NCOA2: variants seen among roughly 807,000 people sequenced by gnomAD.
NCOA2 encodes nuclear receptor coactivator 2, also known as class E basic helix-loop-helix protein 75.
Under a neutral mutation model 145.1 loss-of-function variants are expected in NCOA2, and 21 were observed. The ratio of observed to expected loss-of-function variants is 0.14; its 90% CI spans 0.10 to 0.21. The LOEUF is 0.21. Ranked by LOEUF, NCOA2 falls within the 10% of genes least tolerant of loss-of-function variation. The probability of loss-of-function intolerance (pLI) is 1.00; values close to 1 mark genes in which losing one functional copy is unlikely to be tolerated. For synonymous variants in NCOA2, 619 were observed against 637.5 expected, an observed-to-expected ratio of 0.97 and a Z score of 0.44; for missense variants, 1,472 against 1,837.6, an observed-to-expected ratio of 0.80 and a Z score of 3.64.
At chr8:70,359,185 G>T (rs532106732) in intron 1 of NCOA2, among the ~76,000 whole-genome samples, 2 of 152,212 alleles carry the variant, frequency 1.3e-5, no homozygotes, top group Admixed American at 1.3e-4. Context: ...TCCTCAAGAA[G>T]TTAAACACAG....
chr8:70,409,819 A>G, the NCOA2 span, among the ~76,000 whole-genome samples: 40 of 152,258 alleles, frequency 2.6e-4, no homozygotes, highest in Admixed American at 1.6e-3. Flanking sequence ...GCAGTGAGCC[A>G]TGATCATGCC....
At chr8:70,433,550 T>C in the NCOA2 span, among the ~76,000 whole-genome samples, 6 of 152,222 alleles carry the variant, frequency 3.9e-5, no homozygotes, top group African/African-American at 1.4e-4. Flanking sequence ...GGTGATGGAA[T>C]GGTATGCCCA....
intron 12 of NCOA2, among the ~76,000 whole-genome samples, chr8:70,147,396 T>C (rs1811221302): frequency 6.6e-6 from 1 of 152,218 alleles, no homozygotes; most frequent in Non-Finnish European, 1.5e-5. Context: ...TGACTGATGG[T>C]TGCCATTTTT....
intron 1 of NCOA2, among the ~76,000 whole-genome samples, chr8:70,399,561 A>T (rs1814026412): frequency 6.6e-6 from 1 of 152,230 alleles, no homozygotes; most frequent in Non-Finnish European, 1.5e-5. Flanking sequence ...TCTTAATCTA[A>T]AATCAATAAA....
the NCOA2 span, among the ~76,000 whole-genome samples, chr8:70,440,844 G>C: frequency 1.3e-5 from 2 of 150,912 alleles, no homozygotes; most frequent in African/African-American, 2.4e-5. Flanking sequence ...AGAGGAAAGA[G>C]AGAAAGAAAG....
chr8:70,304,513 C>CTG (rs1827736159), intron 1 of NCOA2, among the ~76,000 whole-genome samples: 1 of 151,558 alleles, frequency 6.6e-6, no homozygotes, highest in African/African-American at 2.4e-5. Context: ...GTCGCCCAGG[C>CTG]TGGAGTGCAG....
Position 70,112,148 on chromosome 8 carries a change from T to C in NCOA2, c.*1484A>G, listed in dbSNP as rs115532784. ...GTTCCTACAGCGGCTGCATATCATA[T>C]AGATTAGATAAATGACTTATAAGCA... On this transcript the variant is annotated 3_prime_UTR_variant, in exon 23 of 23. Coordinates refer to ENST00000452400, the MANE Select transcript of NCOA2 (RefSeq NM_006540.4). The C allele has an allele frequency of 9.5e-3, 1,944 of 204,250 alleles. 54 individuals are homozygous for C. The highest frequency in any genetic ancestry group is 0.041 in the African/African-American group (1,817 of 43,796). The allele number at this position is 204,250 out of a possible 1,614,324, so 12.7% of individuals were successfully genotyped here.
At chr8:70,382,431 A>G (rs746847625) in intron 1 of NCOA2, among the ~76,000 whole-genome samples, 12 of 152,300 alleles carry the variant, frequency 7.9e-5, no homozygotes, top group Admixed American at 2.0e-4. Context: ...CACAAGGAAG[A>G]AAGAGAACAA....
At position 70,318,736 on chromosome 8, in the gene NCOA2, C is replaced by T. The variant is rs139198854; in HGVS notation, c.-76-21936G>A. On this transcript the variant is annotated intron_variant, in intron 1 of 22. Transcript: ENST00000452400. Reference sequence around the variant, plus strand: ...GCTGTAATCACCACTGCCCTCCAGACTGGGTGACAGAGGGAGACCCTGTCT... The same window carrying T: ...GCTGTAATCACCACTGCCCTCCAGATTGGGTGACAGAGGGAGACCCTGTCT... Among the ~76,000 whole-genome samples the T allele has an allele frequency of 6.0e-4, 92 of 152,176 alleles. 1 individual carries two copies. The highest frequency in any genetic ancestry group is 5.0e-3 in the East Asian group (26 of 5,184).
chr8:70,137,011 G>T (rs1809808896), intron 15 of NCOA2, among the ~76,000 whole-genome samples: 2 of 152,244 alleles, frequency 1.3e-5, no homozygotes, highest in Admixed American at 6.5e-5. Flanking sequence ...CTAGGGCAGT[G>T]CTGAGTCACA....
At chr8:70,270,402 G>C (rs932458813) in intron 2 of NCOA2, among the ~76,000 whole-genome samples, 1 of 152,074 alleles carries the variant, frequency 6.6e-6, no homozygotes, top group Non-Finnish European at 1.5e-5. Flanking sequence ...GTCTCTTCCA[G>C]CTCTAAAGTA....
At chr8:70,403,430 C>A (rs1028900739) in intron 1 of NCOA2, among the ~76,000 whole-genome samples, 9 of 151,662 alleles carry the variant, frequency 5.9e-5, no homozygotes, top group African/African-American at 2.2e-4. Flanking sequence ...TCCTTTCTCT[C>A]CCGGGGACTC....
chr8:70,392,151 T>C (rs1362285111), intron 1 of NCOA2, among the ~76,000 whole-genome samples: 3 of 152,214 alleles, frequency 2.0e-5, no homozygotes, highest in Non-Finnish European at 4.4e-5. Flanking sequence ...TAGTCCTCCC[T>C]AAACCCCAAT....
chr8:70,298,242 A>C (rs1029602795), intron 1 of NCOA2, among the ~76,000 whole-genome samples: 1 of 152,168 alleles, frequency 6.6e-6, no homozygotes, highest in African/African-American at 2.4e-5. Flanking sequence ...CAAAATTACT[A>C]TTTTTCTTGG....
At chr8:70,349,989 A>T (rs1809023371) in intron 1 of NCOA2, among the ~76,000 whole-genome samples, 1 of 152,142 alleles carries the variant, frequency 6.6e-6, no homozygotes, top group South Asian at 2.1e-4. Context: ...CCTCAATTAC[A>T]TCTTCCTCCT....
intron 19 of NCOA2, 48 bp downstream of exon 19, chr8:70,126,765 C>T (rs771780930): frequency 6.7e-7 from 1 of 1,498,010 alleles, no homozygotes. Flanking sequence ...CTGGGGGACA[C>T]TGGGGAGAAA....
chr8:70,272,902 TCA>T (rs1484532153), intron 2 of NCOA2, among the ~76,000 whole-genome samples: 1 of 152,208 alleles, frequency 6.6e-6, no homozygotes, highest in Non-Finnish European at 1.5e-5. Context: ...ACTTTCATCT[TCA>T]TTTTTAAAGT....
intron 1 of NCOA2, among the ~76,000 whole-genome samples, chr8:70,335,006 C>A (rs551654502): frequency 6.6e-6 from 1 of 151,340 alleles, no homozygotes; most frequent in East Asian, 2.0e-4. Context: ...GCCTGTAATC[C>A]CAGCTACTTG....
At chr8:70,413,428 A>G in the NCOA2 span, among the ~76,000 whole-genome samples, 3 of 152,320 alleles carry the variant, frequency 2.0e-5, no homozygotes. Flanking sequence ...GAACTAAAGA[A>G]CATTCAAAGA....
Sources: gnomAD v4.1 joint callset for allele counts (sites outside exome capture counted in the v4.1 genomes callset) on GRCh38, gnomAD v4.1.1 for gene constraint, MANE v1.5 for transcripts, NCBI Gene and HGNC (gene_info 2026-07-23, HGNC 2026-07-21) for gene names.